DLG2: variants seen among roughly 807,000 people sequenced by gnomAD.
The protein encoded by DLG2 is disks large homolog 2.
A neutral mutation model predicts 132.5 loss-of-function variants in DLG2; 45 were observed. That is an observed-to-expected ratio of 0.34 (90% CI 0.27 to 0.44). DLG2 has a LOEUF of 0.44. DLG2 is among the 20% of genes least tolerant of loss of function. DLG2 has a pLI of 1.00. For synonymous variants in DLG2, 424 were observed against 419.6 expected, an observed-to-expected ratio of 1.01 and a Z score of -0.13; for missense variants, 1,045 against 1,196.9, an observed-to-expected ratio of 0.87 and a Z score of 1.87.
intron 16 of DLG2, among the ~76,000 whole-genome samples, chr11:83,870,008 TTTA>T (rs1380617028): frequency 6.6e-6 from 1 of 152,222 alleles, no homozygotes; most frequent in Non-Finnish European, 1.5e-5. Context: ...TGCACGTGAT[TTTA>T]TTTTCTATTT....
intron 8 of DLG2, among the ~76,000 whole-genome samples, chr11:84,167,986 A>G (rs1482264579): frequency 1.3e-5 from 2 of 152,218 alleles, no homozygotes; most frequent in African/African-American, 4.8e-5. Context: ...AAATTTTTAT[A>G]TATCTCTGTG....
At chr11:84,313,687 A>AAGAAAGAAAGAAAGAAAGAG (rs760229361) in intron 7 of DLG2, among the ~76,000 whole-genome samples, 11 of 141,286 alleles carry the variant, frequency 7.8e-5, no homozygotes, top group African/African-American at 1.6e-4. Context: ...GAAAGAAAGA[A>AAGAAAGAAAGAAAGAAAGAG]AAAGAAAGAG....
At chr11:85,382,440 C>A (rs1201561901) in intron 3 of DLG2, among the ~76,000 whole-genome samples, 1 of 151,738 alleles carries the variant, frequency 6.6e-6, no homozygotes, top group Non-Finnish European at 1.5e-5. Flanking sequence ...AAGCGTAAAC[C>A]TCATGACCTT....
At chr11:83,690,428 A>C (rs2153618128) in intron 18 of DLG2, among the ~76,000 whole-genome samples, 1 of 152,128 alleles carries the variant, frequency 6.6e-6, no homozygotes, top group South Asian at 2.1e-4. Flanking sequence ...ATTATAATAC[A>C]AGTTTAATAT....
chr11:85,003,608 G>A (rs2058392678), intron 6 of DLG2, among the ~76,000 whole-genome samples: 1 of 151,736 alleles, frequency 6.6e-6, no homozygotes, highest in South Asian at 2.1e-4. Flanking sequence ...CTTTGTTAAG[G>A]GTATATTACT....
At chr11:83,953,513 C>G (rs1324224530) in intron 14 of DLG2, among the ~76,000 whole-genome samples, 1 of 152,198 alleles carries the variant, frequency 6.6e-6, no homozygotes, top group Admixed American at 6.5e-5. Context: ...CCCCTGCCAC[C>G]TGTCCATGGA....
intron 7 of DLG2, among the ~76,000 whole-genome samples, chr11:84,519,070 G>T (rs2099284406): frequency 6.6e-6 from 1 of 152,064 alleles, no homozygotes; most frequent in South Asian, 2.1e-4. Flanking sequence ...AACTCACCCT[G>T]CCCTGGAGCA....
chr11:85,258,264 T>C (rs72947994), intron 4 of DLG2, among the ~76,000 whole-genome samples: 1,549 of 152,306 alleles, frequency 0.01, 12 homozygotes, highest in Non-Finnish European at 0.015. Flanking sequence ...CTCTCCACTA[T>C]TTCTTATCCC....
intron 19 of DLG2, among the ~76,000 whole-genome samples, chr11:83,601,822 C>T (rs529319405): frequency 2.0e-5 from 3 of 152,170 alleles, no homozygotes; most frequent in Admixed American, 6.5e-5. Flanking sequence ...AGGGCTCAGC[C>T]GTCAATGAAG....
At chr11:85,251,653 C>A (rs2076401714) in intron 4 of DLG2, among the ~76,000 whole-genome samples, 1 of 152,038 alleles carries the variant, frequency 6.6e-6, no homozygotes, top group African/African-American at 2.4e-5. Context: ...GAGGAAAGAT[C>A]TAATTATCCT....
intron 6 of DLG2, among the ~76,000 whole-genome samples, chr11:85,007,387 G>A (rs1456134103): frequency 1.3e-5 from 2 of 152,114 alleles, no homozygotes; most frequent in South Asian, 2.1e-4. Flanking sequence ...ATGGCCGGGC[G>A]CAGTGGCTCA....
At chr11:84,703,143 A>C (rs555311399) in intron 6 of DLG2, among the ~76,000 whole-genome samples, 17 of 151,818 alleles carry the variant, frequency 1.1e-4, no homozygotes, top group African/African-American at 4.1e-4. Flanking sequence ...AATGTGCTTA[A>C]GCAGAATCCA....
At chr11:83,796,959 G>A (rs2042971099) in intron 17 of DLG2, among the ~76,000 whole-genome samples, 3 of 152,116 alleles carry the variant, frequency 2.0e-5, no homozygotes, top group Admixed American at 6.5e-5. Flanking sequence ...CCTACCAAGG[G>A]ATGAGGAGGA....
At chr11:84,327,337 C>T (rs2098437666) in intron 7 of DLG2, among the ~76,000 whole-genome samples, 1 of 152,008 alleles carries the variant, frequency 6.6e-6, no homozygotes, top group African/African-American at 2.4e-5. Flanking sequence ...CCCGCCTTGG[C>T]CTCCCAAAGT....
intron 17 of DLG2, among the ~76,000 whole-genome samples, chr11:83,808,403 G>A (rs924927160): frequency 2.0e-5 from 3 of 152,108 alleles, no homozygotes; most frequent in African/African-American, 4.8e-5. Flanking sequence ...TCTGATCAGC[G>A]GTGGGCTCTG....
chr11:83,718,100 T>C (rs532471524), intron 18 of DLG2, among the ~76,000 whole-genome samples: 2 of 152,250 alleles, frequency 1.3e-5, no homozygotes, highest in African/African-American at 2.4e-5. Flanking sequence ...GGAGAAAAGA[T>C]TGGTCATAAA....
At chr11:83,598,876 G>A (rs115177027) in intron 19 of DLG2, among the ~76,000 whole-genome samples, 2,025 of 152,218 alleles carry the variant, frequency 0.013, 49 homozygotes, top group African/African-American at 0.046. Context: ...TATCTTCAAG[G>A]CTACTGAGGT....
intron 6 of DLG2, among the ~76,000 whole-genome samples, chr11:84,898,935 C>T (rs1355021666): frequency 1.3e-5 from 2 of 152,012 alleles, no homozygotes; most frequent in African/African-American, 2.4e-5. Flanking sequence ...ATGCCTACCT[C>T]TATGTACTAA....
intron 7 of DLG2, among the ~76,000 whole-genome samples, chr11:84,269,553 C>A (rs1052102023): frequency 1.2e-4 from 19 of 152,128 alleles, no homozygotes; most frequent in Non-Finnish European, 7.4e-5. Flanking sequence ...CAGTGATTTG[C>A]AAATCAATTT....
Sources: allele counts gnomAD v4.1 joint callset (sites outside exome capture counted in the v4.1 genomes callset), GRCh38; gene constraint gnomAD v4.1.1; transcripts MANE v1.5; gene names NCBI Gene and HGNC (gene_info 2026-07-23, HGNC 2026-07-21).